PGAP1: variants seen among roughly 807,000 people sequenced by gnomAD.
PGAP1 encodes the protein post-GPI attachment to proteins inositol deacylase 1.
A neutral mutation model predicts 127.0 loss-of-function variants in PGAP1; 76 were observed. The observed-to-expected ratio is 0.60, with a 90% CI of 0.50 to 0.72. PGAP1 has a LOEUF of 0.72. Among genes scored for constraint, PGAP1 ranks in the 30% least tolerant of loss-of-function variants. The pLI, the probability that PGAP1 is intolerant of heterozygous loss-of-function variation, is 0.00. For synonymous variants in PGAP1, 362 were observed against 366.5 expected, an observed-to-expected ratio of 0.99 and a Z score of 0.14; for missense variants, 982 against 1,071.3, an observed-to-expected ratio of 0.92 and a Z score of 1.16.
At chr2:196,855,894 A>G (rs1283110210) in intron 20 of PGAP1, among the ~76,000 whole-genome samples, 1 of 152,224 alleles carries the variant, frequency 6.6e-6, no homozygotes, top group African/African-American at 2.4e-5. Context: ...TGCACAGAAT[A>G]TCTGACTTTA....
chr2:196,898,382 A>T lies in PGAP1; in HGVS notation c.808-13T>A, dbSNP rs1410662700. The T allele has an allele frequency of 6.3e-7, 1 of 1,592,626 alleles. No individual in the cohort carries two copies. Among genetic ancestry groups the T allele is most frequent in the African/African-American group, 1.4e-5 (1 of 74,040 alleles). On this transcript the variant is annotated splice_polypyrimidine_tract_variant and intron_variant, in intron 5 of 26. Transcript: ENST00000354764. ...GCACTGCTGAACTCTAAAAGAAAAG[A>T]AAAAAATAAACTTACGAAAAGCACA...
chr2:196,921,879 G>A (rs963656432), intron 1 of PGAP1, among the ~76,000 whole-genome samples: 3 of 152,084 alleles, frequency 2.0e-5, no homozygotes, highest in Non-Finnish European at 2.9e-5. Flanking sequence ...TCCATTTCCA[G>A]GCAGAGTTCA....
At chr2:196,877,725 T>C (rs1701610524) in intron 13 of PGAP1, 1 of 152,098 alleles carries the variant, frequency 6.6e-6, no homozygotes, top group Admixed American at 6.6e-5. Flanking sequence ...CCTTTTCCTT[T>C]CTCTATTTCT....
At chr2:196,900,520 G>C (rs1261414051) in intron 5 of PGAP1, among the ~76,000 whole-genome samples, 1 of 152,166 alleles carries the variant, frequency 6.6e-6, no homozygotes, top group Non-Finnish European at 1.5e-5. Context: ...GGAATATCTG[G>C]AGGCTAAAAA....
At chr2:196,854,891 C>T (rs530081218) in intron 20 of PGAP1, among the ~76,000 whole-genome samples, 5 of 152,272 alleles carry the variant, frequency 3.3e-5, no homozygotes, top group African/African-American at 1.2e-4. Context: ...GATCCTCCCA[C>T]CTCAACCTGC....
chr2:196,919,192 A>T (rs1183233670), intron 2 of PGAP1, among the ~76,000 whole-genome samples: 1 of 152,102 alleles, frequency 6.6e-6, no homozygotes, highest in East Asian at 1.9e-4. Flanking sequence ...AGCTTTTAAC[A>T]TTACTGACAT....
intron 1 of PGAP1, among the ~76,000 whole-genome samples, chr2:196,925,114 C>T (rs1408552838): frequency 2.0e-5 from 3 of 152,150 alleles, no homozygotes; most frequent in Admixed American, 2.0e-4. Context: ...TCAAAATCTT[C>T]TCCTTCGATA....
chr2:196,911,515 A>G (rs1483988609), intron 4 of PGAP1, among the ~76,000 whole-genome samples: 4 of 100,272 alleles, frequency 4.0e-5, no homozygotes, highest in Non-Finnish European at 7.9e-5. Flanking sequence ...TAGATGACAC[A>G]TTAGTGGGTG....
At chr2:196,897,864 T>A (rs1244994536) in intron 6 of PGAP1, among the ~76,000 whole-genome samples, 1 of 152,222 alleles carries the variant, frequency 6.6e-6, no homozygotes, top group Non-Finnish European at 1.5e-5. Flanking sequence ...AGATGAGAGT[T>A]CCAAGCTTCT....
chr2:196,875,146 AG>A (rs1701525222), intron 14 of PGAP1, among the ~76,000 whole-genome samples: 1 of 152,244 alleles, frequency 6.6e-6, no homozygotes, highest in Non-Finnish European at 1.5e-5. Context: ...CACAGATTAT[AG>A]GAGACTTAGG....
At chr2:196,871,416 A>G (rs116300644) in intron 18 of PGAP1, among the ~76,000 whole-genome samples, 3 of 152,256 alleles carry the variant, frequency 2.0e-5, no homozygotes, top group African/African-American at 7.2e-5. Flanking sequence ...TTTTTAGGGA[A>G]GTTTAAAATG....
chr2:196,903,366 G>A (rs1702562971), intron 4 of PGAP1, among the ~76,000 whole-genome samples: 1 of 151,616 alleles, frequency 6.6e-6, no homozygotes, highest in African/African-American at 2.4e-5. Flanking sequence ...TTTGAGACTA[G>A]CCTGGCCAAT....
chr2:196,878,185 G>A lies in PGAP1; in HGVS notation c.1350+1891C>T, dbSNP rs529943770. Among the ~76,000 whole-genome samples, 5 of 152,118 alleles carry A rather than the reference G, an allele frequency of 3.3e-5. No homozygotes were observed. In the South Asian group the frequency reaches 1.0e-3, roughly 32 times the overall value. ...TGAGGATCCCTCATCCAAAATGCAT[G>A]GAACTAGAAGTGTTTGATTTTTTTC... On this transcript the variant is annotated intron_variant, in intron 13 of 26. Coordinates refer to ENST00000354764, the MANE Select transcript of PGAP1 (RefSeq NM_024989.4).
intron 12 of PGAP1, among the ~76,000 whole-genome samples, chr2:196,882,124 G>A (rs57244589): frequency 6.6e-6 from 1 of 152,078 alleles, no homozygotes; most frequent in Non-Finnish European, 1.5e-5. Flanking sequence ...CCCATTGCTT[G>A]TTTTCGTCAA....
At chr2:196,883,404 C>T (rs1375243222) in intron 12 of PGAP1, among the ~76,000 whole-genome samples, 4 of 152,168 alleles carry the variant, frequency 2.6e-5, no homozygotes, top group Non-Finnish European at 5.9e-5. Flanking sequence ...GGGCTTCACC[C>T]CGACTTAGCA....
At position 196,902,751 on chromosome 2, in the gene PGAP1, G is replaced by A. The variant is rs1163041517; in HGVS notation, c.650-9C>T. On this transcript the variant is annotated splice_polypyrimidine_tract_variant and intron_variant, in intron 4 of 26. Transcript: ENST00000354764. ...TACAGTCGTATAAAAATCTGGTGGG[G>A]AATAAAAAAGAGACATTAAAAAACA... The A allele has an allele frequency of 1.9e-6, 3 of 1,583,850 alleles. No individual in the cohort carries two copies. Among genetic ancestry groups the A allele is most frequent in the East Asian group, 2.2e-5 (1 of 44,466 alleles).
At chr2:196,899,301 T>C (rs558528818) in intron 5 of PGAP1, among the ~76,000 whole-genome samples, 1 of 152,156 alleles carries the variant, frequency 6.6e-6, no homozygotes, top group Non-Finnish European at 1.5e-5. Context: ...AAAATAAATA[T>C]GTATAACTTC....
At position 196,834,231 on chromosome 2, in the gene PGAP1, C is replaced by T. The variant is rs188151737; in HGVS notation, c.*7003G>A. On this transcript the variant is annotated 3_prime_UTR_variant, in exon 27 of 27. Transcript: ENST00000354764. ...AACCTAAGCCAAACCTAATTTTCTACATCTATGTAGCGTAAGTCTACTTTA... is the reference window on the plus strand; with the variant it reads ...AACCTAAGCCAAACCTAATTTTCTATATCTATGTAGCGTAAGTCTACTTTA... 2 of 152,054 alleles carry T rather than the reference C, an allele frequency of 1.3e-5. No individual in the cohort carries two copies. The highest frequency in any genetic ancestry group is 4.8e-5 in the African/African-American group (2 of 41,432). 9.4% of individuals were successfully genotyped at this position (152,054 alleles called of 1,614,324 possible).
chr2:196,911,907 A>G (rs564921483), intron 4 of PGAP1, among the ~76,000 whole-genome samples: 4 of 152,290 alleles, frequency 2.6e-5, no homozygotes, highest in African/African-American at 9.6e-5. Context: ...TTTATTTCCT[A>G]TGTTAATGTA....
Sources: allele counts gnomAD v4.1 joint callset (sites outside exome capture counted in the v4.1 genomes callset), GRCh38; gene constraint gnomAD v4.1.1; transcripts MANE v1.5; gene names NCBI Gene and HGNC (gene_info 2026-07-23, HGNC 2026-07-21).